Variants in MYOF observed in about 807,000 individuals in gnomAD.
The protein encoded by MYOF is fer-1-like 3, myoferlin.
Under a neutral mutation model 284.2 loss-of-function variants are expected in MYOF, and 244 were observed. The ratio of observed to expected loss-of-function variants is 0.86; its 90% confidence interval spans 0.77 to 0.95. MYOF has a LOEUF of 0.95. Among genes scored for constraint, MYOF ranks in the 40% least tolerant of loss-of-function variants. MYOF has a pLI of 0.00. For missense variants in MYOF, 2,496 were observed against 2,560.6 expected (o/e 0.97, Z 0.54); for synonymous variants, 904 against 919.7 (o/e 0.98, Z 0.31).
At chr10:93,374,061 T>C (rs1207841029) in intron 23 of MYOF, among the ~76,000 whole-genome samples, 1 of 152,192 alleles carries the variant, frequency 6.6e-6, no homozygotes, top group African/African-American at 2.4e-5. Flanking sequence ...CCACCCTGTG[T>C]CCAAATGTTC....
intron 16 of MYOF, among the ~76,000 whole-genome samples, chr10:93,393,840 T>TCA (rs1846822211): frequency 6.6e-6 from 1 of 151,710 alleles, no homozygotes; most frequent in East Asian, 2.0e-4. Flanking sequence ...CTGTAATGGG[T>TCA]GATGACATCT....
In MYOF at chr10:93,351,230, C is replaced by T. The variant is rs1844490140; in HGVS notation, c.3888G>A (p.Gly1296=). Residue 1296 remains glycine, a synonymous_variant, in exon 35 of 54, where the codon GGG becomes GGA. Transcript: ENST00000359263. ...CAGTGAGCTGGACCACAGGCCTGAT[C>T]CCCTGGGGGACCATGTATAGATTTG... The part of the protein sequence containing the change: ...RAPNLYMVPQ[G]IRPVVQLTAI... 1.9e-6 allele frequency: 3 copies of T among 1,614,156 alleles called. No homozygotes were observed. In the East Asian group the frequency reaches 6.7e-5, roughly 36 times the overall value.
At chr10:93,437,189 GGAAT>G in intron 3 of MYOF, among the ~76,000 whole-genome samples, 2 of 152,164 alleles carry the variant, frequency 1.3e-5, no homozygotes, top group South Asian at 4.2e-4. Context: ...TATGATTGGG[GGAAT>G]GAAAGAGTTT....
intron 5 of MYOF, among the ~76,000 whole-genome samples, chr10:93,424,640 G>A (rs1443490010): frequency 6.6e-6 from 1 of 152,192 alleles, no homozygotes; most frequent in Admixed American, 6.6e-5. Context: ...GTCACCAAGA[G>A]GAAGCCACCT....
chr10:93,366,505 T>C lies in MYOF; in HGVS notation c.2640A>G (p.Val880=), dbSNP rs760385248. The change falls in exon 26 of 54, where the codon GTA becomes GTG. Residue 880 remains valine (V), a synonymous_variant. Coordinates refer to ENST00000359263, the MANE Select transcript of MYOF (RefSeq NM_013451.4). ...TGACATCAGAAAACTTATGACGTCC[T>C]ACTAATCCAGAAGTACCCCATTTTC... is the stretch of plus-strand genomic sequence containing the variant. ...MFGKWGTSGL[V]GRHKFSDVTG... 1 of 1,613,670 alleles carries C rather than the reference T, an allele frequency of 6.2e-7. No individual in the cohort carries two copies. Among genetic ancestry groups the C allele is most frequent in the Non-Finnish European group, 8.5e-7 (1 of 1,179,888 alleles).
chr10:93,386,708 G>A (rs1419001004), intron 19 of MYOF, among the ~76,000 whole-genome samples: 2 of 152,210 alleles, frequency 1.3e-5, no homozygotes, highest in African/African-American at 4.8e-5. Flanking sequence ...TCCTGATACG[G>A]CTGCCTTCTG....
intron 19 of MYOF, among the ~76,000 whole-genome samples, chr10:93,381,985 C>T (rs553239209): frequency 1.9e-4 from 29 of 152,064 alleles, no homozygotes; most frequent in African/African-American, 6.5e-4. Flanking sequence ...TGCAGTGAGC[C>T]GATATCGTGC....
intron 27 of MYOF, among the ~76,000 whole-genome samples, chr10:93,362,996 C>T (rs1172370410): frequency 1.3e-5 from 2 of 152,256 alleles, no homozygotes; most frequent in East Asian, 3.9e-4. Flanking sequence ...TTCACTGTTA[C>T]ATTGCTTATA....
chr10:93,364,006 G>T lies in MYOF; in HGVS notation c.2823C>A (p.Tyr941Ter), dbSNP rs779852892. 181 of 1,614,070 alleles carry T rather than the reference G, an allele frequency of 1.1e-4. No individual in the cohort carries two copies. The highest frequency in any genetic ancestry group is 2.3e-4 in the Admixed American group (14 of 60,008). ...TDEVYQNESR[Y>*]PGGDWKPAED... ...CGGCCGGCTTCCAGTCGCCCCCGGG[G>T]TAGCGGCTCTCGTTCTGATAGACTT... is the stretch of plus-strand genomic sequence containing the variant. Residue 941 changes from tyrosine to a stop codon, truncating the protein, a stop_gained, in exon 27 of 54, where the codon TAC (tyrosine) becomes TAA (stop). Coordinates refer to ENST00000359263, the MANE Select transcript of MYOF (RefSeq NM_013451.4). LOFTEE classifies it high-confidence loss of function.
At chr10:93,395,862 A>C (rs550850610) in intron 16 of MYOF, among the ~76,000 whole-genome samples, 1 of 151,632 alleles carries the variant, frequency 6.6e-6, no homozygotes, top group Non-Finnish European at 1.5e-5. Flanking sequence ...GGATGGGAGC[A>C]AGAAAGCTGA....
intron 5 of MYOF, among the ~76,000 whole-genome samples, chr10:93,424,146 C>T (rs749308098): frequency 5.9e-5 from 9 of 152,306 alleles, no homozygotes; most frequent in South Asian, 2.1e-4. Context: ...GCTTAAGCCA[C>T]CCAGTTTGCG....
chr10:93,423,329 C>T (rs1022470063), intron 5 of MYOF, among the ~76,000 whole-genome samples: 3 of 150,268 alleles, frequency 2.0e-5, no homozygotes, highest in Admixed American at 6.7e-5. Context: ...GAGTTCAAGA[C>T]CAGCCTGACC....
At chr10:93,319,348 C>T (rs2133751441) in intron 49 of MYOF, among the ~76,000 whole-genome samples, 2 of 152,226 alleles carry the variant, frequency 1.3e-5, no homozygotes, top group African/African-American at 4.8e-5. Flanking sequence ...GTAATGTGAA[C>T]CAATACATCG....
intron 49 of MYOF, among the ~76,000 whole-genome samples, chr10:93,319,494 T>C (rs1203128193): frequency 6.6e-6 from 1 of 152,166 alleles, no homozygotes; most frequent in East Asian, 1.9e-4. Flanking sequence ...TAAGGAAGGA[T>C]ACCCACTTTA....
intron 9 of MYOF, among the ~76,000 whole-genome samples, chr10:93,403,740 T>C (rs146858340): frequency 9.8e-5 from 15 of 152,340 alleles, no homozygotes; most frequent in African/African-American, 3.1e-4. Flanking sequence ...CTTCTTGCCA[T>C]GGTCAACACC....
At chr10:93,424,928 C>CTTTT (rs1433325912) in intron 5 of MYOF, among the ~76,000 whole-genome samples, 1 of 92,728 alleles carries the variant, frequency 1.1e-5, no homozygotes. Flanking sequence ...GGGAGAATTC[C>CTTTT]ATTTTTTTTT....
intron 16 of MYOF, among the ~76,000 whole-genome samples, chr10:93,393,235 G>T (rs1846789519): frequency 6.6e-6 from 1 of 152,194 alleles, no homozygotes; most frequent in South Asian, 2.1e-4. Flanking sequence ...GGGGACAGAG[G>T]GGGCCTGGCG....
chr10:93,343,857 T>C lies in MYOF; in HGVS notation c.4325A>G (p.Lys1442Arg), dbSNP rs745639628. The C allele has an allele frequency of 1.2e-6, 2 of 1,614,162 alleles. No homozygotes were observed. The highest frequency in any genetic ancestry group is 1.7e-5 in the Admixed American group (1 of 60,024). Residue 1442 changes from lysine to arginine, a missense_variant and splice_region_variant, in exon 38 of 54, where the codon AAG becomes AGG. By Grantham distance (26) the Lys-to-Arg change is conservative. Around this residue, in one of 3 missense-constraint regions of MYOF, gnomAD observed 2,436 missense variants for 2,480.7 expected, o/e 0.98. Coordinates refer to ENST00000359263, the MANE Select transcript of MYOF (RefSeq NM_013451.4). The stretch of plus-strand genomic sequence containing the variant: ...CCACTGATCAGCTCTGAAGCCTACC[T>C]TAGAAGCCAGTAATGGTTTGGTGTC... ...MEDTKPLLAS[K>R]LTEKEEEIVD...
At chr10:93,458,597 A>T (rs1386921185) in intron 1 of MYOF, among the ~76,000 whole-genome samples, 1 of 151,822 alleles carries the variant, frequency 6.6e-6, no homozygotes, top group Non-Finnish European at 1.5e-5. Flanking sequence ...AGGCATGGTG[A>T]TGGGTGCCTA....
Sources: allele counts gnomAD v4.1 joint callset (sites outside exome capture counted in the v4.1 genomes callset), GRCh38; gene constraint gnomAD v4.1.1; regional missense constraint gnomAD v4.1.1; transcripts MANE v1.5; gene names NCBI Gene and HGNC (gene_info 2026-07-23, HGNC 2026-07-21).